ROR1: variants seen among roughly 807,000 people sequenced by gnomAD.
ROR1 encodes ROR family WNT receptor 1, also known as inactive tyrosine-protein kinase transmembrane receptor ROR1.
Under a neutral mutation model 78.8 loss-of-function variants are expected in ROR1, and 19 were observed. The ratio of observed to expected loss-of-function variants is 0.24; its 90% CI spans 0.17 to 0.35. The LOEUF (loss-of-function observed/expected upper bound fraction) is 0.35, where lower values mean the gene tolerates loss of function less well. Among genes scored for constraint, ROR1 ranks in the 10% least tolerant of loss-of-function variants. The pLI is 1.00. For missense variants in ROR1, 917 were observed against 1,177.8 expected (o/e 0.78, Z 3.24); for synonymous variants, 386 against 433.6 (o/e 0.89, Z 1.36).
At chr1:63,917,683 A>G (rs1645619374) in intron 1 of ROR1, among the ~76,000 whole-genome samples, 1 of 152,210 alleles carries the variant, frequency 6.6e-6, no homozygotes, top group Non-Finnish European at 1.5e-5. Context: ...GTGACTGTCC[A>G]GGAAAATGGA....
At chr1:64,113,879 G>A in intron 4 of ROR1, 1 of 151,912 alleles carries the variant, frequency 6.6e-6, no homozygotes, top group East Asian at 1.9e-4. Context: ...TGACAGATCT[G>A]GGTTGGAGGC....
chr1:63,968,553 T>G (rs1389625594), intron 1 of ROR1, among the ~76,000 whole-genome samples: 1 of 152,200 alleles, frequency 6.6e-6, no homozygotes, highest in Non-Finnish European at 1.5e-5. Context: ...TAGACAATCC[T>G]GGTAATAAAC....
At chr1:63,964,824 T>C (rs1646060356) in intron 1 of ROR1, among the ~76,000 whole-genome samples, 1 of 152,228 alleles carries the variant, frequency 6.6e-6, no homozygotes, top group African/African-American at 2.4e-5. Context: ...ACCTACTGTG[T>C]CTGAGCACCT....
chr1:63,857,934 A>G (rs920024382), intron 1 of ROR1, among the ~76,000 whole-genome samples: 1 of 152,164 alleles, frequency 6.6e-6, no homozygotes, highest in Non-Finnish European at 1.5e-5. Context: ...GTGCAGTAGG[A>G]TATAAGTAGG....
At chr1:63,950,519 T>C (rs1645926649) in intron 1 of ROR1, among the ~76,000 whole-genome samples, 3 of 152,212 alleles carry the variant, frequency 2.0e-5, no homozygotes, top group African/African-American at 7.2e-5. Context: ...TTGGCTGCCT[T>C]CTTTACTGCA....
chr1:63,908,474 T>C (rs971450649), intron 1 of ROR1, among the ~76,000 whole-genome samples: 6 of 152,212 alleles, frequency 3.9e-5, no homozygotes, highest in African/African-American at 1.4e-4. Context: ...GAGAAATATG[T>C]TAATACTCTG....
chr1:63,815,425 C>A (rs12094552), intron 1 of ROR1, among the ~76,000 whole-genome samples: 11,480 of 148,624 alleles, frequency 0.077, 1,484 homozygotes, highest in African/African-American at 0.27. Context: ...AGAATGCCTG[C>A]CCTTATATAT....
intron 4 of ROR1, among the ~76,000 whole-genome samples, chr1:64,080,362 A>G (rs1300708791): frequency 6.6e-6 from 1 of 152,152 alleles, no homozygotes; most frequent in Non-Finnish European, 1.5e-5. Flanking sequence ...CTCAACAAAG[A>G]ATCAGCCAGC....
At chr1:64,060,549 A>G (rs895435728) in intron 4 of ROR1, among the ~76,000 whole-genome samples, 2 of 152,202 alleles carry the variant, frequency 1.3e-5, no homozygotes, top group African/African-American at 2.4e-5. Context: ...GCCCAACTCA[A>G]GAAGTGATAA....
At chr1:63,982,166 A>C (rs1646215567) in intron 1 of ROR1, among the ~76,000 whole-genome samples, 1 of 152,116 alleles carries the variant, frequency 6.6e-6, no homozygotes, top group South Asian at 2.1e-4. Context: ...AAAGGTTAAG[A>C]AACGAGTTCA....
At chr1:63,959,575 T>G (rs1354194400) in intron 1 of ROR1, among the ~76,000 whole-genome samples, 1 of 152,222 alleles carries the variant, frequency 6.6e-6, no homozygotes, top group African/African-American at 2.4e-5. Flanking sequence ...GGAACCCCAG[T>G]GTAGCATTTG....
At chr1:63,813,516 C>T (rs747747639) in intron 1 of ROR1, among the ~76,000 whole-genome samples, 1 of 152,210 alleles carries the variant, frequency 6.6e-6, no homozygotes, top group Non-Finnish European at 1.5e-5. Flanking sequence ...TAGAAGAGCA[C>T]TGGTACCCTG....
chr1:64,022,208 A>G (rs1225732027), intron 2 of ROR1, among the ~76,000 whole-genome samples: 1 of 152,210 alleles, frequency 6.6e-6, no homozygotes, highest in Non-Finnish European at 1.5e-5. Flanking sequence ...ATAGAGGCAG[A>G]AGTTGAATTG....
chr1:63,958,390 G>T (rs1646001023), intron 1 of ROR1, among the ~76,000 whole-genome samples: 3 of 152,066 alleles, frequency 2.0e-5, no homozygotes, highest in African/African-American at 7.2e-5. Context: ...TAGGATTATG[G>T]TTTCGGGGGA....
chr1:63,926,536 T>A (rs1392536410), intron 1 of ROR1, among the ~76,000 whole-genome samples: 2 of 147,728 alleles, frequency 1.4e-5, no homozygotes, highest in African/African-American at 2.5e-5. Flanking sequence ...TTTTTTCCAA[T>A]TCTGTGAAGA....
chr1:63,895,896 C>T (rs928542239), intron 1 of ROR1, among the ~76,000 whole-genome samples: 59 of 151,626 alleles, frequency 3.9e-4, no homozygotes, highest in African/African-American at 1.4e-3. Context: ...AAAATAATAC[C>T]CAGTGGTGTC....
chr1:63,774,339 C>T lies in ROR1; in HGVS notation c.-79C>T, dbSNP rs760109204. The stretch of plus-strand genomic sequence containing the variant: ...GCGCCAGCGGCCGGGACGAGGCGGC[C>T]GGGAGCCCGGGAAGAGCCCGTGGAT... On this transcript the variant is annotated 5_prime_UTR_variant, in exon 1 of 9. Transcript: ENST00000371079. The surrounding 1 kb of genome is among the most constrained non-coding windows in gnomAD (Gnocchi z 5.7). 4.2e-6 allele frequency: 4 copies of T among 951,654 alleles called. No homozygotes were observed. Among genetic ancestry groups the T allele is most frequent in the South Asian group, 1.8e-5 (1 of 55,750 alleles). 59.0% of individuals were successfully genotyped at this position (951,654 alleles called of 1,614,324 possible).
At chr1:63,945,955 T>C (rs1645885124) in intron 1 of ROR1, among the ~76,000 whole-genome samples, 1 of 152,212 alleles carries the variant, frequency 6.6e-6, no homozygotes, top group African/African-American at 2.4e-5. Flanking sequence ...AGAGGAATCA[T>C]CTCCCTCTTG....
intron 1 of ROR1, among the ~76,000 whole-genome samples, chr1:63,921,603 A>G (rs759979328): frequency 2.0e-5 from 3 of 148,858 alleles, no homozygotes; most frequent in Non-Finnish European, 4.4e-5. Context: ...CAATGCTAAC[A>G]CACCTTAAAG....
Sources: gnomAD v4.1 joint callset for allele counts (sites outside exome capture counted in the v4.1 genomes callset) on GRCh38, gnomAD v4.1.1 for gene constraint, Gnocchi (gnomAD v3.1) non-coding constraint, MANE v1.5 for transcripts, NCBI Gene and HGNC (gene_info 2026-07-23, HGNC 2026-07-21) for gene names.